Variants in GNB4 observed in about 807,000 individuals in gnomAD.
GNB4 encodes G protein subunit beta 4.
GNB4 carries 28 observed loss-of-function variants against 45.2 expected under a neutral mutation model. That is an observed-to-expected ratio of 0.62 (90% CI 0.46 to 0.85). The LOEUF (loss-of-function observed/expected upper bound fraction) is 0.85, where lower values mean the gene tolerates loss of function less well. Among genes scored for constraint, GNB4 ranks in the 40% least tolerant of loss-of-function variants. GNB4 has a pLI of 0.00. For synonymous variants in GNB4, 132 were observed against 143.7 expected, an observed-to-expected ratio of 0.92 and a Z score of 0.58; for missense variants, 321 against 425.4, an observed-to-expected ratio of 0.75 and a Z score of 2.16.
At position 179,426,257 on chromosome 3, in the gene GNB4, A is replaced by C; in HGVS notation, c.-42-15T>G. Reference sequence around the variant, plus strand: ...AGTGAAAACAGCTGTTAAAAAACAGAGAGCAAGAGAAAGATTCAGTTCTCT... The same window carrying C: ...AGTGAAAACAGCTGTTAAAAAACAGCGAGCAAGAGAAAGATTCAGTTCTCT... On this transcript the variant is annotated splice_polypyrimidine_tract_variant and intron_variant, in intron 1 of 9. Transcript: ENST00000232564. 7.7e-7 allele frequency: 1 copy of C among 1,295,320 alleles called. No individual in the cohort carries two copies. Among genetic ancestry groups the C allele is most frequent in the East Asian group, 2.4e-5 (1 of 41,754 alleles). The allele number at this position is 1,295,320 out of a possible 1,614,324, so 80.2% of individuals were successfully genotyped here. A position where few individuals can be genotyped will look rare whatever the true frequency, so the allele number is the denominator to read the frequency against.
the GNB4 span, among the ~76,000 whole-genome samples, chr3:179,468,129 TGGAGGCTGCAG>T: frequency 5.7e-4 from 85 of 147,866 alleles, no homozygotes; most frequent in Admixed American, 1.1e-3. Context: ...GTGCAGGAGT[TGGAGGCTGCAG>T]GGAGCTATAA....
At chr3:179,485,231 C>G in the GNB4 span, among the ~76,000 whole-genome samples, 11 of 152,118 alleles carry the variant, frequency 7.2e-5, no homozygotes, top group South Asian at 2.3e-3. Context: ...CCAGGATGGT[C>G]TCCATCTCCT....
chr3:179,506,069 G>A, the GNB4 span, among the ~76,000 whole-genome samples: 410 of 152,332 alleles, frequency 2.7e-3, no homozygotes, highest in African/African-American at 9.4e-3. Context: ...GCTGCCGGGC[G>A]CGGTGGCTCA....
At chr3:179,489,039 TA>T in the GNB4 span, among the ~76,000 whole-genome samples, 115 of 77,540 alleles carry the variant, frequency 1.5e-3, 14 homozygotes, top group East Asian at 0.037. Flanking sequence ...TATATATATA[TA>T]TATATAATAT....
At chr3:179,416,809 A>T (rs865873179) in intron 4 of GNB4, among the ~76,000 whole-genome samples, 2 of 152,230 alleles carry the variant, frequency 1.3e-5, no homozygotes, top group African/African-American at 2.4e-5. Context: ...TGTGGTAACA[A>T]CATCTTAGTT....
At chr3:179,411,344 C>A (rs1407006617) in intron 8 of GNB4, among the ~76,000 whole-genome samples, 1 of 151,716 alleles carries the variant, frequency 6.6e-6, no homozygotes, top group African/African-American at 2.4e-5. Context: ...TGAAGTTGGT[C>A]ATAATTTCAT....
the GNB4 span, among the ~76,000 whole-genome samples, chr3:179,489,001 A>AT: frequency 0.024 from 792 of 33,320 alleles, 103 homozygotes; most frequent in East Asian, 0.039. Flanking sequence ...AAAAAAAAAA[A>AT]AAAAAAAAAA....
the GNB4 span, among the ~76,000 whole-genome samples, chr3:179,508,356 C>T: frequency 1.3e-5 from 2 of 152,178 alleles, no homozygotes; most frequent in Non-Finnish European, 2.9e-5. Flanking sequence ...CCATGGATGA[C>T]ACATGGGCAC....
intron 8 of GNB4, among the ~76,000 whole-genome samples, chr3:179,411,466 C>CAAAA (rs755966921): frequency 5.6e-5 from 7 of 125,350 alleles, no homozygotes; most frequent in Non-Finnish European, 8.6e-5. Flanking sequence ...AATGTTTTGA[C>CAAAA]AAAAAAAAAA....
intron 8 of GNB4, among the ~76,000 whole-genome samples, chr3:179,412,636 C>T (rs1054173452): frequency 2.6e-5 from 4 of 152,172 alleles, no homozygotes; most frequent in Non-Finnish European, 5.9e-5. Flanking sequence ...TAGTTTCACA[C>T]AGGTGCTTAA....
chr3:179,404,297 ACG>A, intron 9 of GNB4, among the ~76,000 whole-genome samples: 1 of 152,222 alleles, frequency 6.6e-6, no homozygotes, highest in South Asian at 2.1e-4. Context: ...GAACATGGCT[ACG>A]GCAGGAGCAG....
At chr3:179,502,801 C>T in the GNB4 span, among the ~76,000 whole-genome samples, 1 of 152,120 alleles carries the variant, frequency 6.6e-6, no homozygotes, top group Admixed American at 6.5e-5. Flanking sequence ...GAGATTAAAA[C>T]TCAGAGTCCC....
intron 4 of GNB4, among the ~76,000 whole-genome samples, chr3:179,419,069 C>T (rs113082408): frequency 2.0e-5 from 3 of 152,180 alleles, no homozygotes; most frequent in African/African-American, 4.8e-5. Context: ...GTGTTCAATA[C>T]GTATTTGCTT....
At chr3:179,442,234 T>C (rs533608313) in intron 1 of GNB4, among the ~76,000 whole-genome samples, 18 of 152,234 alleles carry the variant, frequency 1.2e-4, no homozygotes, top group Non-Finnish European at 2.2e-4. Context: ...GAACTCAACA[T>C]ACTAAGGATT....
Position 179,398,945 on chromosome 3 carries a change from A to G in GNB4, c.*2268T>C, listed in dbSNP as rs1714202476. The G allele has an allele frequency of 6.6e-6, 1 of 152,188 alleles. No individual in the cohort carries two copies. The highest frequency in any genetic ancestry group is 2.4e-5 in the African/African-American group (1 of 41,442). The allele number at this position is 152,188 out of a possible 1,614,324, so 9.4% of individuals were successfully genotyped here. A position where few individuals can be genotyped will look rare whatever the true frequency, so the allele number is the denominator to read the frequency against. On this transcript the variant is annotated 3_prime_UTR_variant, in exon 10 of 10. Transcript: ENST00000232564. ...AAATGTAATTTTAAAATATGTTAAG[A>G]CCATAGAATTCCTGTGGTCTGTATG...
the GNB4 span, among the ~76,000 whole-genome samples, chr3:179,481,715 A>G: frequency 6.6e-6 from 1 of 152,284 alleles, no homozygotes; most frequent in South Asian, 2.1e-4. Flanking sequence ...TAATTAATAA[A>G]TTGATGCACT....
chr3:179,453,849 G>GAAAA (rs879792473), upstream of GNB4, among the ~76,000 whole-genome samples: 2 of 134,844 alleles, frequency 1.5e-5, no homozygotes, highest in African/African-American at 5.4e-5. Flanking sequence ...TATTGTTCTG[G>GAAAA]AAAAAAAAAA....
chr3:179,442,645 G>A (rs953618091), intron 1 of GNB4, among the ~76,000 whole-genome samples: 7 of 151,276 alleles, frequency 4.6e-5, no homozygotes, highest in African/African-American at 1.7e-4. Context: ...TTTAAGAGAT[G>A]GGGTCTTGTT....
the GNB4 span, among the ~76,000 whole-genome samples, chr3:179,516,724 A>G: frequency 0.15 from 22,162 of 152,134 alleles, 3,474 homozygotes; most frequent in African/African-American, 0.39. Flanking sequence ...TATTTTTCTT[A>G]GTCTAAGAAC....
Sources: allele counts gnomAD v4.1 joint callset (sites outside exome capture counted in the v4.1 genomes callset), GRCh38; gene constraint gnomAD v4.1.1; transcripts MANE v1.5; gene names NCBI Gene and HGNC (gene_info 2026-07-23, HGNC 2026-07-21).